Variants in CATSPERT observed in about 807,000 individuals in gnomAD.
CATSPERT encodes cation channel sperm-associated targeting subunit tau.
chr2:201,592,051 C>A, the CATSPERT span, among the ~76,000 whole-genome samples: 3 of 152,062 alleles, frequency 2.0e-5, no homozygotes, highest in South Asian at 2.1e-4. Context: ...AGAGGGCAAC[C>A]CTGTCTTGTG....
the CATSPERT span, among the ~76,000 whole-genome samples, chr2:201,518,744 T>C: frequency 1.3e-5 from 2 of 152,220 alleles, no homozygotes; most frequent in Admixed American, 1.3e-4. Context: ...TCCAGCTCCA[T>C]TAGCAAATTT....
At chr2:201,488,396 T>C in the CATSPERT span, among the ~76,000 whole-genome samples, 1 of 152,212 alleles carries the variant, frequency 6.6e-6, no homozygotes, top group African/African-American at 2.4e-5. Flanking sequence ...CCATCTTTAA[T>C]TTATGTACAT....
chr2:201,491,357 G>A, the CATSPERT span: 11 of 1,537,186 alleles, frequency 7.2e-6, no homozygotes, highest in East Asian at 2.2e-4. Context: ...AATAATTCTG[G>A]GAAGAGGTGT....
chr2:201,491,306 C>T, the CATSPERT span: 31 of 1,537,828 alleles, frequency 2.0e-5, no homozygotes, highest in Non-Finnish European at 2.5e-5. Flanking sequence ...GCGACACGGT[C>T]TCTTTCTTTT....
chr2:201,535,445 CT>C, the CATSPERT span: 1 of 961,838 alleles, frequency 1.0e-6, no homozygotes, highest in African/African-American at 1.8e-5. Flanking sequence ...CACTCTTATT[CT>C]CATTTTAAAC....
chr2:201,496,652 A>AT, the CATSPERT span, among the ~76,000 whole-genome samples: 1 of 152,154 alleles, frequency 6.6e-6, no homozygotes, highest in African/African-American at 2.4e-5. Context: ...CATAGATAGC[A>AT]TTTTCAATGA....
chr2:201,549,987 T>C, the CATSPERT span: 1 of 152,172 alleles, frequency 6.6e-6, no homozygotes, highest in African/African-American at 2.4e-5. Context: ...TTGATTCTTA[T>C]ATAATCCCTA....
At chr2:201,515,269 C>A in the CATSPERT span, among the ~76,000 whole-genome samples, 1 of 104,720 alleles carries the variant, frequency 9.5e-6, no homozygotes, top group African/African-American at 3.7e-5. Flanking sequence ...GAGTCTTGCT[C>A]TGTTGCCCAG....
At chr2:201,534,035 G>A in the CATSPERT span, among the ~76,000 whole-genome samples, 105,597 of 150,056 alleles carry the variant, frequency 0.7, 37,685 homozygotes, top group East Asian at 0.96. Flanking sequence ...AGAGAGATCT[G>A]TATATTATCT....
At chr2:201,578,650 G>A in the CATSPERT span, among the ~76,000 whole-genome samples, 14 of 151,952 alleles carry the variant, frequency 9.2e-5, no homozygotes, top group Non-Finnish European at 1.3e-4. Context: ...TTAGAATTGT[G>A]GAATGATGGG....
chr2:201,593,290 T>C, the CATSPERT span, among the ~76,000 whole-genome samples: 692 of 151,448 alleles, frequency 4.6e-3, 6 homozygotes, highest in African/African-American at 0.016. Flanking sequence ...AGTTGAGCGG[T>C]TTTGAGTGAG....
chr2:201,612,936 C>G, the CATSPERT span, among the ~76,000 whole-genome samples: 1 of 152,172 alleles, frequency 6.6e-6, no homozygotes, highest in East Asian at 1.9e-4. Context: ...CCCACGCCCA[C>G]GGAGCTTTGC....
At chr2:201,562,841 C>T in the CATSPERT span, among the ~76,000 whole-genome samples, 57,978 of 119,402 alleles carry the variant, frequency 0.49, 13,982 homozygotes, top group Non-Finnish European at 0.54. Context: ...GGTAAGGTCA[C>T]AGATCAACAG....
At chr2:201,545,654 G>GA in the CATSPERT span, 212 of 495,476 alleles carry the variant, frequency 4.3e-4, no homozygotes, top group Middle Eastern at 8.0e-4. Flanking sequence ...AAAAAAAAAA[G>GA]AAAAAAAAAT....
At chr2:201,563,897 A>G in the CATSPERT span, among the ~76,000 whole-genome samples, 2 of 152,214 alleles carry the variant, frequency 1.3e-5, no homozygotes, top group African/African-American at 4.8e-5. Context: ...AAGTCCAGAG[A>G]CATGGAGCCC....
chr2:201,575,421 C>T, the CATSPERT span: 1 of 908,174 alleles, frequency 1.1e-6, no homozygotes, highest in Non-Finnish European at 1.6e-6. Flanking sequence ...AGGCCATGGA[C>T]TGGTGCTGGT....
At chr2:201,615,730 GAC>G in the CATSPERT span, among the ~76,000 whole-genome samples, 4 of 152,056 alleles carry the variant, frequency 2.6e-5, no homozygotes, top group Non-Finnish European at 5.9e-5. Flanking sequence ...AGGAGATAGA[GAC>G]ACAAAAAAAC....
the CATSPERT span, among the ~76,000 whole-genome samples, chr2:201,598,833 G>C: frequency 8.6e-5 from 13 of 151,902 alleles, no homozygotes; most frequent in Non-Finnish European, 1.6e-4. Context: ...TGCTCTCCTC[G>C]GCCTCCCAAA....
the CATSPERT span, among the ~76,000 whole-genome samples, chr2:201,562,720 AACGAGC>A: frequency 1.4e-5 from 2 of 141,438 alleles, no homozygotes; most frequent in Admixed American, 1.4e-4. Flanking sequence ...GATGACTCTT[AACGAGC>A]ATGCTGCCTT....
Sources: gnomAD v4.1 joint callset for allele counts (sites outside exome capture counted in the v4.1 genomes callset) on GRCh38, gnomAD v4.1.1 for gene constraint, MANE v1.5 for transcripts, NCBI Gene and HGNC (gene_info 2026-07-23, HGNC 2026-07-21) for gene names.